The following BST1 variants were observed in gnomAD, a reference collection of about 807,000 sequenced individuals.
The protein encoded by BST1 is ADP-ribosyl cyclase/cyclic ADP-ribose hydrolase 2.
Under a neutral mutation model 40.6 loss-of-function variants are expected in BST1, and 49 were observed. The ratio of observed to expected loss-of-function variants is 1.21; its 90% CI spans 0.96 to 1.53. BST1 has a LOEUF of 1.53. Among genes scored for constraint, BST1 ranks in the 40% most tolerant of loss-of-function variants. The pLI is 0.00. For missense variants in BST1, 423 were observed against 395.9 expected (o/e 1.07, Z -0.58); for synonymous variants, 157 against 159.3 (o/e 0.99, Z 0.11).
chr4:15,769,317 A>G, the BST1 span, among the ~76,000 whole-genome samples: 1 of 152,228 alleles, frequency 6.6e-6, no homozygotes, highest in Non-Finnish European at 1.5e-5. Context: ...CATACTGGGC[A>G]TGGTTCTGGT....
At chr4:15,713,315 A>G (rs1720322426) in intron 4 of BST1, among the ~76,000 whole-genome samples, 2 of 145,138 alleles carry the variant, frequency 1.4e-5, no homozygotes, top group Non-Finnish European at 3.0e-5. Context: ...CCTCCCGAGT[A>G]GCTGGGACTA....
At chr4:15,707,381 G>C (rs372837778) in intron 2 of BST1, 130 bp from the exon 3 acceptor site, 4 of 1,003,100 alleles carry the variant, frequency 4.0e-6, no homozygotes, top group East Asian at 2.4e-5. Context: ...GAAAAAGAAC[G>C]TTCAGTTGTT....
At chr4:15,753,470 G>A in the BST1 span, among the ~76,000 whole-genome samples, 11 of 152,328 alleles carry the variant, frequency 7.2e-5, no homozygotes, top group African/African-American at 1.9e-4. Context: ...TCACGATCGC[G>A]CCAGTGGGTG....
Position 15,703,264 on chromosome 4 carries a change from C to CTG in BST1, c.120_121insTG (p.Ala41TrpfsTer19). The CTG allele has an allele frequency of 3.2e-6, 5 of 1,539,360 alleles. No homozygotes were observed. The highest frequency in any genetic ancestry group is 4.4e-6 in the Non-Finnish European group (5 of 1,146,824). ...CGCGGTGGCGCGGGGAGGGCACCAG[C>CTG]GCACACTTGCGGGACATCTTCCTGG... On this transcript the variant is annotated frameshift_variant, in exon 1 of 9. Coordinates refer to ENST00000265016, the MANE Select transcript of BST1 (RefSeq NM_004334.3). LOFTEE classifies it high-confidence loss of function.
downstream of BST1, among the ~76,000 whole-genome samples, chr4:15,733,292 C>T (rs4292321): frequency 0.96 from 146,483 of 151,960 alleles, 70,629 homozygotes; most frequent in East Asian, 1. Flanking sequence ...ATCCTTTAGC[C>T]GGACACAGAG....
the BST1 span, among the ~76,000 whole-genome samples, chr4:15,770,868 A>G: frequency 3.3e-5 from 5 of 152,244 alleles, no homozygotes; most frequent in African/African-American, 7.2e-5. Context: ...AAAGAATTCA[A>G]TGACGGCCAC....
chr4:15,753,260 C>T, the BST1 span, among the ~76,000 whole-genome samples: 1 of 152,194 alleles, frequency 6.6e-6, no homozygotes, highest in Non-Finnish European at 1.5e-5. Flanking sequence ...TCTAAGCTGT[C>T]TCTATCTCTG....
At chr4:15,730,300 T>C (rs959270772) in intron 8 of BST1, among the ~76,000 whole-genome samples, 1 of 152,218 alleles carries the variant, frequency 6.6e-6, no homozygotes, top group Non-Finnish European at 1.5e-5. Flanking sequence ...AAGAATTCAG[T>C]AATTTCTGTT....
At chr4:15,766,311 A>T in the BST1 span, among the ~76,000 whole-genome samples, 1 of 151,946 alleles carries the variant, frequency 6.6e-6, no homozygotes. Context: ...AGGTTAAGGA[A>T]AAACAACTGG....
chr4:15,755,794 T>C, the BST1 span, among the ~76,000 whole-genome samples: 2 of 151,858 alleles, frequency 1.3e-5, no homozygotes. Flanking sequence ...AAAACCCTAT[T>C]TGAAAAAAAA....
intron 6 of BST1, 108 bp downstream of exon 6, chr4:15,715,907 C>T (rs570320440): frequency 1.3e-6 from 1 of 797,710 alleles, no homozygotes; most frequent in East Asian, 3.1e-5. Context: ...TGACAGCCTT[C>T]TTTGCTTCTA....
chr4:15,766,094 C>T, the BST1 span, among the ~76,000 whole-genome samples: 1 of 151,958 alleles, frequency 6.6e-6, no homozygotes, highest in Non-Finnish European at 1.5e-5. Flanking sequence ...GCACCAGGGA[C>T]TTGCTAGCCA....
At chr4:15,714,942 A>T (rs541095703) in intron 4 of BST1, among the ~76,000 whole-genome samples, 1 of 152,354 alleles carries the variant, frequency 6.6e-6, no homozygotes, top group South Asian at 2.1e-4. Context: ...ATGTAGTGTG[A>T]GCATGATATA....
Position 15,703,117 on chromosome 4 carries a change from A to G in BST1, c.-28A>G. On this transcript the variant is annotated 5_prime_UTR_variant, in exon 1 of 9. Transcript: ENST00000265016. ...AGGAGAGAAGGGGAGTGGAGGAAGC[A>G]CGGGACTGGAGGGACCAAAGTTCCC... 1 of 1,555,494 alleles carries G rather than the reference A, an allele frequency of 6.4e-7. No individual in the cohort carries two copies. The highest frequency in any genetic ancestry group is 8.6e-7 in the Non-Finnish European group (1 of 1,156,886).
chr4:15,771,123 C>G, the BST1 span, among the ~76,000 whole-genome samples: 4 of 152,102 alleles, frequency 2.6e-5, no homozygotes, highest in African/African-American at 9.7e-5. Flanking sequence ...ATTTTTCAAG[C>G]CTCAGTGCAG....
chr4:15,718,939 T>C lies in BST1; in HGVS notation c.737T>C (p.Leu246Pro). 6.2e-7 allele frequency: 1 copy of C among 1,614,076 alleles called. No individual in the cohort carries two copies. The highest frequency in any genetic ancestry group is 8.5e-7 in the Non-Finnish European group (1 of 1,179,944). Reference sequence around the variant, plus strand: ...TGCGGGGAAGGCAGCATGAAAGTCCTGGAAAAGAGGCTGAAGGACATGGGG... The same window carrying C: ...TGCGGGGAAGGCAGCATGAAAGTCCCGGAAAAGAGGCTGAAGGACATGGGG... ...ESCGEGSMKV[L>P]EKRLKDMGFQ... The change falls in exon 7 of 9, where the codon CTG becomes CCG. Residue 246 changes from leucine (L) to proline (P), a missense_variant. Transcript: ENST00000265016.
At chr4:15,719,998 T>C in intron 7 of BST1, among the ~76,000 whole-genome samples, 1 of 152,196 alleles carries the variant, frequency 6.6e-6, no homozygotes, top group East Asian at 1.9e-4. Context: ...ATAATCTATG[T>C]ACAGAAAAAT....
the BST1 span, among the ~76,000 whole-genome samples, chr4:15,762,896 CTGAG>C: frequency 2.6e-5 from 4 of 152,084 alleles, no homozygotes; most frequent in East Asian, 5.8e-4. Context: ...TTTTTTATGG[CTGAG>C]TAATATTCTA....
chr4:15,751,319 G>A, the BST1 span, among the ~76,000 whole-genome samples: 478 of 152,204 alleles, frequency 3.1e-3, 7 homozygotes, highest in African/African-American at 7.0e-3. Context: ...AAAAAATCTC[G>A]GGGAACATTC....
Sources: gnomAD v4.1 joint callset for allele counts (sites outside exome capture counted in the v4.1 genomes callset) on GRCh38, gnomAD v4.1.1 for gene constraint, MANE v1.5 for transcripts, NCBI Gene and HGNC (gene_info 2026-07-23, HGNC 2026-07-21) for gene names.